Variants in DLGAP2 observed in about 807,000 individuals in gnomAD.
DLGAP2 encodes the protein DLG associated protein 2.
Under a neutral mutation model 100.3 loss-of-function variants are expected in DLGAP2, and 26 were observed. The observed-to-expected ratio is 0.26, with a 90% confidence interval of 0.19 to 0.36. The LOEUF (loss-of-function observed/expected upper bound fraction) is 0.36, where lower values mean the gene tolerates loss of function less well. DLGAP2 is among the 10% of genes least tolerant of loss of function. The pLI, the probability that DLGAP2 is intolerant of heterozygous loss-of-function variation, is 1.00. For missense variants in DLGAP2, 1,858 were observed against 1,453.2 expected (o/e 1.28, Z -4.53); for synonymous variants, 886 against 630.1 (o/e 1.41, Z -6.08).
chr8:1,448,684 C>A (rs1798051703), intron 3 of DLGAP2, among the ~76,000 whole-genome samples: 4 of 152,176 alleles, frequency 2.6e-5, no homozygotes, highest in African/African-American at 7.2e-5. Flanking sequence ...GAGCAACTAT[C>A]TTGAAGACTT....
intron 10 of DLGAP2, among the ~76,000 whole-genome samples, chr8:1,670,024 C>T (rs565669834): frequency 6.6e-6 from 1 of 151,942 alleles, no homozygotes; most frequent in South Asian, 2.1e-4. Flanking sequence ...AGCTAGGGTG[C>T]CATCGCCCGT....
chr8:1,315,499 G>A (rs34516256), intron 3 of DLGAP2, among the ~76,000 whole-genome samples: 28 of 118,550 alleles, frequency 2.4e-4, no homozygotes, highest in African/African-American at 7.1e-4. Context: ...AAAATAGAGC[G>A]TGTGCGAGTG....
chr8:1,447,864 T>C (rs1324038845), intron 3 of DLGAP2, among the ~76,000 whole-genome samples: 3 of 152,266 alleles, frequency 2.0e-5, no homozygotes, highest in African/African-American at 7.2e-5. Flanking sequence ...ATTTTCTAGT[T>C]TATATACGTA....
chr8:1,512,893 G>C lies in DLGAP2; in HGVS notation c.172+11462G>C, dbSNP rs143206353. Among the ~76,000 whole-genome samples, 425 of 152,370 alleles carry C rather than the reference G, an allele frequency of 2.8e-3. 4 individuals carry two copies. The highest frequency in any genetic ancestry group is 9.7e-3 in the African/African-American group (405 of 41,592). On this transcript the variant is annotated intron_variant, in intron 4 of 14. Coordinates refer to ENST00000637795, the MANE Select transcript of DLGAP2 (RefSeq NM_001346810.2). ...GAAAGTGAGGCCCCGGGTCATGGTC[G>C]CACCGCCACCCTGTGCCATCTGTGT...
At chr8:803,637 T>A (rs1023751416) in intron 1 of DLGAP2, among the ~76,000 whole-genome samples, 6 of 152,054 alleles carry the variant, frequency 3.9e-5, no homozygotes, top group African/African-American at 1.4e-4. Flanking sequence ...TTTATAAAAC[T>A]CGAATCACAA....
At chr8:1,009,600 T>A (rs1801217844) in intron 2 of DLGAP2, among the ~76,000 whole-genome samples, 1 of 152,212 alleles carries the variant, frequency 6.6e-6, no homozygotes, top group South Asian at 2.1e-4. Context: ...AGTCAGTGAT[T>A]ATGTCTTGTT....
intron 6 of DLGAP2, among the ~76,000 whole-genome samples, chr8:1,571,707 A>G (rs1339309926): frequency 6.6e-5 from 4 of 60,706 alleles, no homozygotes; most frequent in Admixed American, 2.1e-4. Flanking sequence ...GAGAGGAGAG[A>G]GGGTGAACTG....
chr8:1,551,278 A>G (rs1046818888), intron 5 of DLGAP2, among the ~76,000 whole-genome samples: 3 of 152,232 alleles, frequency 2.0e-5, no homozygotes, highest in African/African-American at 7.2e-5. Context: ...CCTGGTAGAA[A>G]GAATCGGGGT....
intron 1 of DLGAP2, among the ~76,000 whole-genome samples, chr8:900,732 G>A (rs541007547): frequency 3.3e-5 from 5 of 152,292 alleles, no homozygotes; most frequent in Admixed American, 6.5e-5. Flanking sequence ...GAAATTCCGG[G>A]GAGGTTAACA....
At chr8:1,198,054 A>T (rs1341432807) in intron 2 of DLGAP2, among the ~76,000 whole-genome samples, 1 of 152,072 alleles carries the variant, frequency 6.6e-6, no homozygotes, top group Non-Finnish European at 1.5e-5. Context: ...GTGGATGAGG[A>T]ACAGAGGCCA....
rs368481715 is a variant in DLGAP2 at position 1,619,291 on chromosome 8, G to A, written c.1443-7449G>A. ...ATTGGGATACACTTCAATTTCACTA[G>A]AATGGCCTAAGTTAAAAAGAATGAC... is the stretch of plus-strand genomic sequence containing the variant. On this transcript the variant is annotated intron_variant, in intron 6 of 14. Transcript: ENST00000637795. Among the ~76,000 whole-genome samples, 8 of 152,212 alleles carry A rather than the reference G, an allele frequency of 5.3e-5. No individual in the cohort carries two copies. The East Asian group carries it at 5.8e-4, about 11-fold the overall frequency.
chr8:966,555 T>TA (rs917373619), intron 2 of DLGAP2, among the ~76,000 whole-genome samples: 22 of 152,220 alleles, frequency 1.4e-4, no homozygotes, highest in Non-Finnish European at 2.9e-4. Context: ...TCAAACTTTT[T>TA]AAAAAATGAC....
chr8:972,875 C>T (rs1283444880), intron 2 of DLGAP2, among the ~76,000 whole-genome samples: 1 of 152,108 alleles, frequency 6.6e-6, no homozygotes, highest in Non-Finnish European at 1.5e-5. Flanking sequence ...TCTTGCACCG[C>T]CCTTAATCCA....
At chr8:1,568,596 G>T (rs1802515717) in intron 6 of DLGAP2, among the ~76,000 whole-genome samples, 1 of 136,986 alleles carries the variant, frequency 7.3e-6, no homozygotes, top group South Asian at 2.4e-4. Flanking sequence ...CTCTGCCCGT[G>T]GCCCCCATGC....
At position 1,627,688 on chromosome 8, in the gene DLGAP2, C is replaced by T. The variant is rs554042418; in HGVS notation, c.1590+801C>T. ...TTAGTGTGGAGTAGGGATTAAGAGC[C>T]TGAGCCGACCTCACATTCTCTCTGA... On this transcript the variant is annotated intron_variant, in intron 7 of 14. Transcript: ENST00000637795. Among the ~76,000 whole-genome samples, 15 of 152,100 alleles carry T rather than the reference C, an allele frequency of 9.9e-5. No homozygotes were observed. In the South Asian group the frequency reaches 2.5e-3, roughly 25 times the overall value.
intron 2 of DLGAP2, among the ~76,000 whole-genome samples, chr8:1,150,732 G>C (rs900974265): frequency 1.3e-5 from 2 of 152,076 alleles, no homozygotes; most frequent in Non-Finnish European, 2.9e-5. Context: ...ATGTAATAAT[G>C]GACATAGAAG....
At chr8:1,267,221 G>C (rs1268991436) in intron 3 of DLGAP2, among the ~76,000 whole-genome samples, 1 of 142,184 alleles carries the variant, frequency 7.0e-6, no homozygotes, top group South Asian at 2.3e-4. Context: ...AACAGAGCGA[G>C]ACTTCATCTC....
intron 3 of DLGAP2, among the ~76,000 whole-genome samples, chr8:1,274,933 ATT>A (rs1799653081): frequency 1.3e-5 from 2 of 152,210 alleles, no homozygotes; most frequent in South Asian, 4.1e-4. Flanking sequence ...AGTGCTAGGA[ATT>A]GCGGCAGCCA....
At chr8:1,357,560 C>G (rs73545646) in intron 3 of DLGAP2, among the ~76,000 whole-genome samples, 10,715 of 152,154 alleles carry the variant, frequency 0.07, 566 homozygotes, top group East Asian at 0.21. Context: ...CACAGGTGCC[C>G]TGGTATTTTA....
Sources: allele counts gnomAD v4.1 joint callset (sites outside exome capture counted in the v4.1 genomes callset), GRCh38; gene constraint gnomAD v4.1.1; transcripts MANE v1.5; gene names NCBI Gene and HGNC (gene_info 2026-07-23, HGNC 2026-07-21).